The following SECISBP2L variants were observed in gnomAD, a reference collection of about 807,000 sequenced individuals.
SECISBP2L encodes selenocysteine insertion sequence-binding protein 2-like.
A neutral mutation model predicts 114.7 loss-of-function variants in SECISBP2L; 43 were observed. The observed-to-expected ratio is 0.38, with a 90% CI of 0.29 to 0.48. SECISBP2L has a LOEUF of 0.48. Among genes scored for constraint, SECISBP2L ranks in the 20% least tolerant of loss-of-function variants. The pLI is 0.98. For synonymous variants in SECISBP2L, 451 were observed against 439.7 expected, an observed-to-expected ratio of 1.03 and a Z score of -0.32; for missense variants, 1,136 against 1,301.1, an observed-to-expected ratio of 0.87 and a Z score of 1.95.
chr15:49,040,023 A>C (rs955489766), intron 1 of SECISBP2L, among the ~76,000 whole-genome samples: 1 of 152,180 alleles, frequency 6.6e-6, no homozygotes, highest in African/African-American at 2.4e-5. Context: ...CCCCCAAAAC[A>C]TATCAACTCA....
At chr15:48,994,718 G>A (rs1902051769) in intron 17 of SECISBP2L, among the ~76,000 whole-genome samples, 1 of 151,728 alleles carries the variant, frequency 6.6e-6, no homozygotes. Context: ...AACTCCCACA[G>A]TACTTTTTAC....
chr15:49,009,433 T>A, intron 13 of SECISBP2L, 55 bp from the exon 14 acceptor site: 1 of 1,553,212 alleles, frequency 6.4e-7, no homozygotes, highest in Non-Finnish European at 8.8e-7. Flanking sequence ...TGCTGAAAAG[T>A]TCTACGTTGA....
At chr15:49,022,220 C>T (rs1008166121) in intron 7 of SECISBP2L, among the ~76,000 whole-genome samples, 1 of 152,092 alleles carries the variant, frequency 6.6e-6, no homozygotes, top group African/African-American at 2.4e-5. Context: ...TGGGCTCAAG[C>T]GCTCCTCCCA....
intron 14 of SECISBP2L, among the ~76,000 whole-genome samples, chr15:49,006,633 C>G (rs1902329753): frequency 6.6e-6 from 1 of 152,076 alleles, no homozygotes; most frequent in African/African-American, 2.4e-5. Flanking sequence ...ACTGGTTATT[C>G]TAGTTAGCAA....
chr15:48,997,022 T>A (rs953137339), intron 16 of SECISBP2L, among the ~76,000 whole-genome samples: 9 of 152,204 alleles, frequency 5.9e-5, no homozygotes, highest in Non-Finnish European at 1.5e-5. Context: ...TAAAGTGTTA[T>A]GGCTTTAGTT....
At chr15:49,019,673 G>A in intron 7 of SECISBP2L, 121 bp from the exon 8 acceptor site, 1 of 740,444 alleles carries the variant, frequency 1.4e-6, no homozygotes, top group Non-Finnish European at 1.9e-6. Flanking sequence ...TTTTCACCAA[G>A]TGCATCACTT....
chr15:49,009,813 A>G (rs1287114987), intron 13 of SECISBP2L, among the ~76,000 whole-genome samples: 2 of 152,152 alleles, frequency 1.3e-5, no homozygotes, highest in African/African-American at 4.8e-5. Flanking sequence ...GTGTTCCCAG[A>G]GAATTTAAAT....
In SECISBP2L at chr15:49,005,284, C is replaced by T. The variant is rs550630987; in HGVS notation, c.2027+3932G>A. Among the ~76,000 whole-genome samples the T allele has an allele frequency of 7.9e-5, 12 of 152,112 alleles. No homozygotes were observed. In the South Asian group the frequency reaches 2.1e-3, roughly 26 times the overall value. Reference sequence around the variant, plus strand: ...GGTGGAGGTTGCAATAAGCCGAGATCGCGCCACTGCACTCCAGCCTGGGTG... The same window carrying T: ...GGTGGAGGTTGCAATAAGCCGAGATTGCGCCACTGCACTCCAGCCTGGGTG... On this transcript the variant is annotated intron_variant, in intron 14 of 17. Coordinates refer to ENST00000559471, the MANE Select transcript of SECISBP2L (RefSeq NM_001193489.2).
Position 49,019,417 on chromosome 15 carries a change from C to A in SECISBP2L, c.1170+1G>T. On this transcript the variant is annotated splice_donor_variant, in intron 8 of 17. Transcript: ENST00000559471. LOFTEE classifies it high-confidence loss of function. ...TTACAAATAGAGTTTGAAAAAAATA[C>A]CTCAAAATATAAAGACTCAGAATTT... 1.4e-6 allele frequency: 2 copies of A among 1,427,476 alleles called. No individual in the cohort carries two copies. The highest frequency in any genetic ancestry group is 1.5e-5 in the South Asian group (1 of 65,858). 88.4% of individuals were successfully genotyped at this position (1,427,476 alleles called of 1,614,324 possible).
At chr15:49,039,526 TTTC>T (rs1256611602) in intron 1 of SECISBP2L, among the ~76,000 whole-genome samples, 10 of 151,230 alleles carry the variant, frequency 6.6e-5, no homozygotes, top group Admixed American at 6.6e-4. Flanking sequence ...TTTTTTTTTC[TTTC>T]TTTTTTTTTT....
intron 4 of SECISBP2L, among the ~76,000 whole-genome samples, chr15:49,032,716 C>T (rs145392286): frequency 1.8e-4 from 27 of 152,198 alleles, no homozygotes; most frequent in African/African-American, 4.8e-4. Flanking sequence ...ATTTCTGAAC[C>T]GCTCCATTAT....
intron 6 of SECISBP2L, 112 bp downstream of exon 6, chr15:49,028,031 TG>T: frequency 1.1e-6 from 1 of 934,816 alleles, no homozygotes; most frequent in South Asian, 1.6e-5. Flanking sequence ...CTTGAATCTC[TG>T]GAAGACTTCT....
chr15:49,045,719 C>G (rs566375148), intron 1 of SECISBP2L, among the ~76,000 whole-genome samples: 43 of 152,126 alleles, frequency 2.8e-4, no homozygotes, highest in African/African-American at 1.0e-3. Flanking sequence ...CAATTCTTTG[C>G]AAAATAACTG....
chr15:48,992,980 C>T (rs1470076002), intron 17 of SECISBP2L, 54 bp from the exon 18 acceptor site: 1 of 1,447,848 alleles, frequency 6.9e-7, no homozygotes, highest in South Asian at 1.3e-5. Flanking sequence ...CAAAATCATG[C>T]AACTCTTTAA....
At chr15:49,045,096 CTG>C (rs1174829481) in intron 1 of SECISBP2L, among the ~76,000 whole-genome samples, 2 of 152,064 alleles carry the variant, frequency 1.3e-5, no homozygotes, top group Non-Finnish European at 2.9e-5. Context: ...CCAAGAGACT[CTG>C]TATCAATTTC....
chr15:49,030,772 G>C (rs1286229501), intron 4 of SECISBP2L, among the ~76,000 whole-genome samples: 1 of 152,096 alleles, frequency 6.6e-6, no homozygotes, highest in South Asian at 2.1e-4. Flanking sequence ...CCATATACAT[G>C]TTTTCATACA....
intron 14 of SECISBP2L, among the ~76,000 whole-genome samples, chr15:49,006,869 G>A (rs1265465935): frequency 6.6e-6 from 1 of 152,166 alleles, no homozygotes; most frequent in African/African-American, 2.4e-5. Flanking sequence ...TGGAGGAGAA[G>A]AGGTATTCTG....
At chr15:49,010,795 A>G (rs1410080399) in intron 13 of SECISBP2L, among the ~76,000 whole-genome samples, 2 of 152,206 alleles carry the variant, frequency 1.3e-5, no homozygotes, top group Non-Finnish European at 2.9e-5. Context: ...TATAGGCGTG[A>G]GCCACTGCGC....
At chr15:49,029,461 C>T (rs1035964932) in intron 4 of SECISBP2L, among the ~76,000 whole-genome samples, 1 of 152,134 alleles carries the variant, frequency 6.6e-6, no homozygotes, top group Non-Finnish European at 1.5e-5. Context: ...ACTTCTCACC[C>T]CTGCCACACC....
Sources: gnomAD v4.1 joint callset for allele counts (sites outside exome capture counted in the v4.1 genomes callset) on GRCh38, gnomAD v4.1.1 for gene constraint, MANE v1.5 for transcripts, NCBI Gene and HGNC (gene_info 2026-07-23, HGNC 2026-07-21) for gene names.